The following PLGRKT variants were observed in gnomAD, a reference collection of about 807,000 sequenced individuals.
PLGRKT encodes the protein plasminogen receptor with a C-terminal lysine.
Under a neutral mutation model 18.5 loss-of-function variants are expected in PLGRKT, and 22 were observed. The observed-to-expected ratio is 1.19, with a 90% confidence interval of 0.85 to 1.70. The LOEUF (loss-of-function observed/expected upper bound fraction) is 1.70, where lower values mean the gene tolerates loss of function less well. Among genes scored for constraint, PLGRKT ranks in the 40% most tolerant of loss-of-function variants. The probability of loss-of-function intolerance (pLI) is 0.00; values close to 1 mark genes in which losing one functional copy is unlikely to be tolerated. For missense variants in PLGRKT, 235 were observed against 174.4 expected, an observed-to-expected ratio of 1.35 and a Z score of -1.96; for synonymous variants, 72 against 52.8, an observed-to-expected ratio of 1.36 and a Z score of -1.58.
At chr9:5,403,467 C>T (rs532102753) in intron 3 of PLGRKT, among the ~76,000 whole-genome samples, 54 of 152,190 alleles carry the variant, frequency 3.5e-4, no homozygotes, top group African/African-American at 6.5e-4. Flanking sequence ...TCAGGTGATC[C>T]GCCTGCCTCG....
chr9:5,426,797 C>G (rs1219774298), intron 3 of PLGRKT, among the ~76,000 whole-genome samples: 1 of 152,130 alleles, frequency 6.6e-6, no homozygotes, highest in Non-Finnish European at 1.5e-5. Context: ...AGTCAAAGAG[C>G]AGACTTGCTC....
At chr9:5,421,176 T>C (rs926481141) in intron 3 of PLGRKT, among the ~76,000 whole-genome samples, 1 of 152,296 alleles carries the variant, frequency 6.6e-6, no homozygotes, top group Non-Finnish European at 1.5e-5. Context: ...GTTCTGGCCA[T>C]ACCAGCCTCT....
chr9:5,428,128 T>G (rs564627796), intron 3 of PLGRKT, among the ~76,000 whole-genome samples: 2 of 151,898 alleles, frequency 1.3e-5, no homozygotes, highest in Non-Finnish European at 2.9e-5. Context: ...AGAGCTGAAA[T>G]AAATGGTGTT....
chr9:5,398,218 G>A (rs912630231), intron 3 of PLGRKT, among the ~76,000 whole-genome samples: 1 of 151,840 alleles, frequency 6.6e-6, no homozygotes, highest in Non-Finnish European at 1.5e-5. Context: ...AGAAACATCA[G>A]GGGTGGGTTA....
chr9:5,422,270 C>G (rs1818592810), intron 3 of PLGRKT, among the ~76,000 whole-genome samples: 1 of 152,112 alleles, frequency 6.6e-6, no homozygotes, highest in Non-Finnish European at 1.5e-5. Flanking sequence ...GTAAGACAAC[C>G]AGACCTCATG....
intron 3 of PLGRKT, among the ~76,000 whole-genome samples, chr9:5,409,189 T>A (rs933703371): frequency 2.0e-5 from 3 of 152,322 alleles, no homozygotes; most frequent in South Asian, 2.1e-4. Flanking sequence ...CTTGATTGGA[T>A]TGAAGGATGC....
chr9:5,361,230 C>A, intron 4 of PLGRKT, 43 bp from the exon 5 acceptor site: 2 of 1,120,424 alleles, frequency 1.8e-6, no homozygotes, highest in Admixed American at 2.0e-5. Context: ...AAAAAATAAC[C>A]TGTAAATACA....
intron 3 of PLGRKT, among the ~76,000 whole-genome samples, chr9:5,371,986 C>CTTTTTTTTTTTTGTTTTTTTT (rs1817527701): frequency 1.1e-5 from 1 of 89,152 alleles, no homozygotes; most frequent in African/African-American, 5.1e-5. Context: ...TCAGAAAATC[C>CTTTTTTTTTTTTGTTTTTTTT]TTTTTTTTTT....
chr9:5,425,669 T>G (rs919544759), intron 3 of PLGRKT, among the ~76,000 whole-genome samples: 8 of 152,144 alleles, frequency 5.3e-5, no homozygotes, highest in African/African-American at 1.9e-4. Flanking sequence ...AACAACTCTG[T>G]GAAGGTCTGA....
intron 3 of PLGRKT, among the ~76,000 whole-genome samples, chr9:5,425,479 G>A (rs58216460): frequency 0.047 from 7,116 of 152,062 alleles, 390 homozygotes; most frequent in African/African-American, 0.13. Context: ...ATTTAATTTC[G>A]TTTCCTGATT....
intron 3 of PLGRKT, among the ~76,000 whole-genome samples, chr9:5,399,923 G>C (rs748734991): frequency 6.6e-6 from 1 of 151,796 alleles, no homozygotes; most frequent in Non-Finnish European, 1.5e-5. Context: ...CCTGAAAGCA[G>C]AGGTTGCAGT....
At chr9:5,359,217 C>T (rs998304398) in intron 5 of PLGRKT, among the ~76,000 whole-genome samples, 8 of 151,846 alleles carry the variant, frequency 5.3e-5, no homozygotes, top group East Asian at 3.9e-4. Flanking sequence ...TGGTGTACAC[C>T]GGCTAATTTT....
At chr9:5,413,690 A>T (rs1024576608) in intron 3 of PLGRKT, among the ~76,000 whole-genome samples, 1 of 152,212 alleles carries the variant, frequency 6.6e-6, no homozygotes, top group African/African-American at 2.4e-5. Context: ...ATCCATTGAG[A>T]ACCATTTCAA....
At chr9:5,388,208 A>G (rs1254422216) in intron 3 of PLGRKT, among the ~76,000 whole-genome samples, 1 of 151,872 alleles carries the variant, frequency 6.6e-6, no homozygotes, top group Non-Finnish European at 1.5e-5. Context: ...CAGGAAGAAG[A>G]GGAGGCAAAG....
rs1428929635 is a variant in PLGRKT, at chr9:5,418,938, A to G, written c.81+12959T>C. On this transcript the variant is annotated intron_variant, in intron 3 of 5. Coordinates refer to ENST00000223864, the MANE Select transcript of PLGRKT (RefSeq NM_018465.4). The surrounding 1 kb of genome is among the most constrained non-coding windows in gnomAD (Gnocchi z 4.2). ...CTAGGGGCTGCAGTAATTAAAACAG[A>G]TCTGACATTCTAGCAGAGTCCTGGG... 1.3e-6 allele frequency: 1 copy of G among 778,410 alleles called. No individual in the cohort carries two copies. Among genetic ancestry groups the G allele is most frequent in the Non-Finnish European group, 2.1e-6 (1 of 470,262 alleles). 48.2% of individuals were successfully genotyped at this position (778,410 alleles called of 1,614,324 possible).
chr9:5,433,478 G>A (rs939301782), intron 2 of PLGRKT, among the ~76,000 whole-genome samples: 16 of 144,056 alleles, frequency 1.1e-4, no homozygotes, highest in Non-Finnish European at 2.0e-4. Context: ...AGGAAGCAAG[G>A]AGCGACTCTG....
chr9:5,385,473 G>A (rs1227074907), intron 3 of PLGRKT, among the ~76,000 whole-genome samples: 1 of 151,434 alleles, frequency 6.6e-6, no homozygotes, highest in Admixed American at 6.6e-5. Flanking sequence ...CAGCTACCGC[G>A]CCTGGCCAAG....
At chr9:5,395,263 G>A (rs761165689) in intron 3 of PLGRKT, among the ~76,000 whole-genome samples, 10 of 151,954 alleles carry the variant, frequency 6.6e-5, no homozygotes, top group South Asian at 2.1e-4. Flanking sequence ...ACTTTTATTA[G>A]GATTTGAGTA....
intron 3 of PLGRKT, among the ~76,000 whole-genome samples, chr9:5,430,964 T>C (rs932224660): frequency 1.5e-4 from 23 of 152,262 alleles, no homozygotes; most frequent in Non-Finnish European, 2.9e-5. Flanking sequence ...TCACACTCCA[T>C]GTTAGTTTCC....
Sources: gnomAD v4.1 joint callset for allele counts (sites outside exome capture counted in the v4.1 genomes callset) on GRCh38, gnomAD v4.1.1 for gene constraint, Gnocchi (gnomAD v3.1) non-coding constraint, MANE v1.5 for transcripts, NCBI Gene and HGNC (gene_info 2026-07-23, HGNC 2026-07-21) for gene names.